Variants in NLRP14 observed in about 807,000 individuals in gnomAD.
NLRP14 encodes NACHT, LRR and PYD domains-containing protein 14.
NLRP14 carries 105 observed loss-of-function variants against 94.7 expected under a neutral mutation model. The ratio of observed to expected loss-of-function variants is 1.11; its 90% CI spans 0.95 to 1.30. NLRP14 has a LOEUF of 1.30. NLRP14 is among the 50% of genes most tolerant of loss of function. The pLI is 0.00. For missense variants in NLRP14, 1,362 were observed against 1,254.1 expected (o/e 1.09, Z -1.30); for synonymous variants, 508 against 459.9 (o/e 1.10, Z -1.34).
the NLRP14 span, among the ~76,000 whole-genome samples, chr11:7,087,520 C>T: frequency 6.6e-6 from 1 of 152,060 alleles, no homozygotes; most frequent in Non-Finnish European, 1.5e-5. Context: ...ACAAGTGAAC[C>T]CTCTGGAGTG....
At position 7,058,391 on chromosome 11, in the gene NLRP14, T is replaced by C. The variant is rs1163986401; in HGVS notation, c.2574T>C (p.Gly858=). 4 of 1,612,876 alleles carry C rather than the reference T, an allele frequency of 2.5e-6. No homozygotes were observed. Among genetic ancestry groups the C allele is most frequent in the Non-Finnish European group, 3.4e-6 (4 of 1,179,040 alleles). ...TGGCAGACAATGTCTTGGGTGATGG[T>C]GGAGTAAAGCTTATGAGTGATGCCC... is the stretch of plus-strand genomic sequence containing the variant. ...LCLADNVLGD[G]GVKLMSDALQ... is the part of the protein sequence containing the mutation. Residue 858 remains glycine (G), a synonymous_variant, in exon 8 of 12, where the codon GGT becomes GGC. Transcript: ENST00000299481.
the NLRP14 span, among the ~76,000 whole-genome samples, chr11:7,086,361 G>T: frequency 6.6e-6 from 1 of 152,206 alleles, no homozygotes; most frequent in Non-Finnish European, 1.5e-5. Flanking sequence ...ACCTGTAGTT[G>T]TTGCTGGAAG....
intron 1 of NLRP14, among the ~76,000 whole-genome samples, chr11:7,024,841 C>G (rs755190246): frequency 2.0e-5 from 3 of 151,558 alleles, no homozygotes; most frequent in Non-Finnish European, 4.4e-5. Flanking sequence ...CTTTTTGTAT[C>G]AAAAGGTATC....
rs552452109 is a variant in NLRP14 at position 7,043,950 on chromosome 11, A to G, written c.1924A>G (p.Lys642Glu). ...GTCTGTAACTGTGGTATTTGAGAAG[A>G]AGATATTAAAAACAAGCCTCCCAAC... ...RLSVTVVFEK[K>E]ILKTSLPTNT... Residue 642 changes from lysine (K) to glutamate (E), a missense_variant, in exon 4 of 12, where the codon AAG becomes GAG. Coordinates refer to ENST00000299481, the MANE Select transcript of NLRP14 (RefSeq NM_176822.4). The G allele has an allele frequency of 1.2e-6, 2 of 1,614,152 alleles. No homozygotes were observed. The highest frequency in any genetic ancestry group is 1.7e-5 in the Admixed American group (1 of 60,028).
At chr11:7,084,639 C>A in the NLRP14 span, among the ~76,000 whole-genome samples, 3 of 152,154 alleles carry the variant, frequency 2.0e-5, no homozygotes, top group Non-Finnish European at 4.4e-5. Context: ...GTCAGAAGCC[C>A]CTACACTCCA....
rs528418346 is a variant in NLRP14, at chr11:7,051,964, C to G, written c.2291+2126C>G. On this transcript the variant is annotated intron_variant, in intron 6 of 11. Coordinates refer to ENST00000299481, the MANE Select transcript of NLRP14 (RefSeq NM_176822.4). ...TGAGAATGCTTTACTATAATATTTA[C>G]CCAAGGCCTCCCTCAAGAAGAGGAG... Among the ~76,000 whole-genome samples the G allele has an allele frequency of 2.8e-4, 43 of 152,276 alleles. 2 individuals carry two copies. Among genetic ancestry groups the G allele is most frequent in the Admixed American group, 2.8e-3 (43 of 15,286 alleles).
chr11:7,061,068 C>T (rs1852612597), intron 9 of NLRP14, among the ~76,000 whole-genome samples: 1 of 152,102 alleles, frequency 6.6e-6, no homozygotes, highest in Non-Finnish European at 1.5e-5. Context: ...CTAACCCCAA[C>T]ATAGTTTTTT....
chr11:7,050,626 T>G (rs532882554), intron 6 of NLRP14, among the ~76,000 whole-genome samples: 1 of 152,336 alleles, frequency 6.6e-6, no homozygotes, highest in East Asian at 1.9e-4. Context: ...GATCTGTATT[T>G]GTAGGAAGCA....
At chr11:7,046,973 C>G (rs1852363077) in intron 5 of NLRP14, 141 bp downstream of exon 5, 1 of 722,458 alleles carries the variant, frequency 1.4e-6, no homozygotes, top group Admixed American at 2.0e-5. Flanking sequence ...ACAATGGAAT[C>G]CTCTGGGGAC....
At chr11:7,028,316 T>C (rs1202048511) in intron 1 of NLRP14, among the ~76,000 whole-genome samples, 2 of 152,180 alleles carry the variant, frequency 1.3e-5, no homozygotes, top group Non-Finnish European at 2.9e-5. Flanking sequence ...TCCTTTCTTT[T>C]GTCTTACCTC....
chr11:7,047,903 G>A lies in NLRP14; in HGVS notation c.2123+1071G>A, dbSNP rs546871040. Among the ~76,000 whole-genome samples, 4 of 151,760 alleles carry A rather than the reference G, an allele frequency of 2.6e-5. No homozygotes were observed. In the East Asian group the frequency reaches 7.8e-4, roughly 29 times the overall value. On this transcript the variant is annotated intron_variant, in intron 5 of 11. Transcript: ENST00000299481. ...GCCTCCCGAGTAGGTGGGACTACAG[G>A]CACGCAGCACCACACCTGGCTAATT...
Position 7,062,333 on chromosome 11 carries a change from A to G in NLRP14, c.2805A>G (p.Glu935=). The G allele has an allele frequency of 1.2e-6, 2 of 1,612,024 alleles. No homozygotes were observed. Among genetic ancestry groups the G allele is most frequent in the South Asian group, 2.2e-5 (2 of 91,014 alleles). ...ACTTTTCCTATTGTAATTCTTACAG[A>G]TTGATGGGCTGTGTTCTCACTAATG... The part of the protein sequence containing the change: ...RHPSCNLQDL[E]LMGCVLTNAC... Residue 935 remains glutamate, a splice_region_variant and synonymous_variant, in exon 10 of 12, where the codon GAA becomes GAG. Coordinates refer to ENST00000299481, the MANE Select transcript of NLRP14 (RefSeq NM_176822.4).
At chr11:7,058,473 C>T in intron 8 of NLRP14, 23 bp downstream of exon 8, 1 of 1,528,734 alleles carries the variant, frequency 6.5e-7, no homozygotes, top group African/African-American at 1.4e-5. Flanking sequence ...AAGTTTTTAT[C>T]CTTAATATAT....
At chr11:7,065,848 A>G (rs1245221742) in intron 10 of NLRP14, among the ~76,000 whole-genome samples, 1 of 151,962 alleles carries the variant, frequency 6.6e-6, no homozygotes, top group Non-Finnish European at 1.5e-5. Context: ...TCCTAATGCT[A>G]TCCCTCTGCT....
At chr11:7,064,813 C>T (rs1436831072) in intron 10 of NLRP14, among the ~76,000 whole-genome samples, 1 of 151,822 alleles carries the variant, frequency 6.6e-6, no homozygotes, top group Non-Finnish European at 1.5e-5. Flanking sequence ...TATAATTTTC[C>T]TATATACTCT....
intron 6 of NLRP14, among the ~76,000 whole-genome samples, chr11:7,050,404 A>G (rs1243170870): frequency 8.5e-5 from 13 of 152,210 alleles, no homozygotes; most frequent in Non-Finnish European, 2.9e-5. Context: ...TGGCCGATGA[A>G]AGTGAAAGGA....
In NLRP14 at chr11:7,042,541, C is replaced by G; in HGVS notation, c.515C>G (p.Thr172Ser). The part of the protein sequence containing the change: ...LEHLFDVDVK[T>S]GAQPQIVVLQ... Reference sequence around the variant, plus strand: ...CACTTGTTCGATGTGGATGTCAAAACCGGTGCACAGCCACAGATCGTGGTG... The same window carrying G: ...CACTTGTTCGATGTGGATGTCAAAAGCGGTGCACAGCCACAGATCGTGGTG... Residue 172 changes from threonine (T) to serine (S), a missense_variant, in exon 4 of 12, where the codon ACC becomes AGC. Transcript: ENST00000299481. The G allele has an allele frequency of 6.2e-7, 1 of 1,614,172 alleles. No individual in the cohort carries two copies.
In NLRP14 at chr11:7,057,816, A is replaced by C; in HGVS notation, c.2431A>C (p.Arg811=). Residue 811 remains arginine, a synonymous_variant, in exon 7 of 12, where the codon AGA becomes CGA. Coordinates refer to ENST00000299481, the MANE Select transcript of NLRP14 (RefSeq NM_176822.4). ...AGTGCAGCTTTTGTGTGAGGCCTTA[A>C]GACATCCAAAGTGTTATCTAGAGAG... ...DGVQLLCEAL[R]HPKCYLERLS... 6.2e-7 allele frequency: 1 copy of C among 1,612,454 alleles called. No homozygotes were observed. Among genetic ancestry groups the C allele is most frequent in the African/African-American group, 1.3e-5 (1 of 74,972 alleles).
chr11:7,090,269 G>A, the NLRP14 span: 2 of 1,605,028 alleles, frequency 1.2e-6, no homozygotes, highest in South Asian at 1.1e-5. Context: ...GAGGCCGCTT[G>A]GAGAGAGGAG....
Sources: allele counts gnomAD v4.1 joint callset (sites outside exome capture counted in the v4.1 genomes callset), GRCh38; gene constraint gnomAD v4.1.1; transcripts MANE v1.5; gene names NCBI Gene and HGNC (gene_info 2026-07-23, HGNC 2026-07-21).